Variants in ZBTB46 observed in about 807,000 individuals in gnomAD.
ZBTB46 encodes zinc finger and BTB domain containing 46, also known as zinc finger and BTB domain-containing protein 46.
A neutral mutation model predicts 44.1 loss-of-function variants in ZBTB46; 8 were observed. That is an observed-to-expected ratio of 0.18 (90% CI 0.11 to 0.33). The LOEUF (loss-of-function observed/expected upper bound fraction) is 0.33. ZBTB46 is among the 10% of genes least tolerant of loss of function. ZBTB46 has a pLI of 1.00. For synonymous variants in ZBTB46, 409 were observed against 382.3 expected, an observed-to-expected ratio of 1.07 and a Z score of -0.81; for missense variants, 651 against 847.7, an observed-to-expected ratio of 0.77 and a Z score of 2.88.
rs924576269 is a variant in ZBTB46 at position 63,811,696 on chromosome 20, G to GCT, written c.-34+19399_-34+19400dup. 5.9e-4 allele frequency among the ~76,000 whole-genome samples: 90 copies of GCT among 152,302 alleles called. 1 individual carries two copies. The highest frequency in any genetic ancestry group is 2.1e-3 in the African/African-American group (86 of 41,558). On this transcript the variant is annotated intron_variant, in intron 1 of 4. Coordinates refer to ENST00000245663, the MANE Select transcript of ZBTB46 (RefSeq NM_001369741.1). ...GCCGGCTCACCTTGCAGCCAGGTGAGCTCTACCCCGCTGGGAAGAGAGCTG... is the reference window on the plus strand; with the variant it reads ...GCCGGCTCACCTTGCAGCCAGGTGAGCTCTCTACCCCGCTGGGAAGAGAGCTG...
intron 3 of ZBTB46, among the ~76,000 whole-genome samples, chr20:63,765,425 T>C (rs1000277065): frequency 2.6e-5 from 4 of 152,254 alleles, no homozygotes; most frequent in Non-Finnish European, 1.5e-5. Flanking sequence ...GTAGGTTATG[T>C]GTGGGCGTTT....
upstream of ZBTB46, among the ~76,000 whole-genome samples, chr20:63,832,732 C>T (rs2092858451): frequency 6.6e-6 from 1 of 152,162 alleles, no homozygotes; most frequent in African/African-American, 2.4e-5. The surrounding 1 kb of genome is among the most constrained non-coding windows in gnomAD (Gnocchi z 5.0). Context: ...CGCGCGGCAC[C>T]CTCTCGGTGG....
intron 1 of ZBTB46, among the ~76,000 whole-genome samples, chr20:63,829,370 G>GT (rs748976904): frequency 1.1e-4 from 16 of 152,278 alleles, no homozygotes; most frequent in Non-Finnish European, 2.1e-4. Flanking sequence ...AATGCTGTCA[G>GT]TGAGAGGCTT....
chr20:63,794,608 AATT>A, intron 1 of ZBTB46, among the ~76,000 whole-genome samples: 2 of 152,252 alleles, frequency 1.3e-5, no homozygotes, highest in African/African-American at 4.8e-5. Context: ...TTACATTTCA[AATT>A]CAATAATCTC....
At chr20:63,763,153 C>A (rs1045315908) in intron 3 of ZBTB46, among the ~76,000 whole-genome samples, 3 of 152,206 alleles carry the variant, frequency 2.0e-5, no homozygotes, top group Non-Finnish European at 1.5e-5. Flanking sequence ...AGCCACTGTA[C>A]CCAGCCAATA....
chr20:63,811,151 G>A (rs866899662), intron 1 of ZBTB46, among the ~76,000 whole-genome samples: 31 of 151,860 alleles, frequency 2.0e-4, no homozygotes, highest in Admixed American at 5.3e-4. Flanking sequence ...GCGAGTCTGG[G>A]TCCCAGAACC....
upstream of ZBTB46, among the ~76,000 whole-genome samples, chr20:63,833,597 G>C (rs920246877): frequency 2.3e-4 from 34 of 150,772 alleles, no homozygotes; most frequent in African/African-American, 8.3e-4. Context: ...TCTCAAAAAA[G>C]AAAAAAAAAG....
chr20:63,805,833 G>A (rs1360768205), intron 1 of ZBTB46, among the ~76,000 whole-genome samples: 1 of 151,058 alleles, frequency 6.6e-6, no homozygotes, highest in Non-Finnish European at 1.5e-5. Context: ...TCGGCTCACT[G>A]AAGCCTTCGG....
chr20:63,767,980 G>C lies in ZBTB46; in HGVS notation c.1222+7698C>G. 1 of 985,440 alleles carries C rather than the reference G, an allele frequency of 1.0e-6. No individual in the cohort carries two copies. Among genetic ancestry groups the C allele is most frequent in the Non-Finnish European group, 1.2e-6 (1 of 829,940 alleles). The allele number at this position is 985,440 out of a possible 1,614,324, so 61.0% of individuals were successfully genotyped here. A position where few individuals can be genotyped will look rare whatever the true frequency, so the allele number is the denominator to read the frequency against. ...AGCTCTCCACGCCATGAGAGGTGTC[G>C]ATCTGGAACCAGAGACAGACAAGTT... is the stretch of plus-strand genomic sequence containing the variant. On this transcript the variant is annotated intron_variant, in intron 3 of 4. Transcript: ENST00000245663. This position sits in a 1 kb window ranked among gnomAD's most constrained non-coding sequence, Gnocchi z 5.0.
chr20:63,821,439 G>C (rs904643035), intron 1 of ZBTB46, among the ~76,000 whole-genome samples: 2 of 119,506 alleles, frequency 1.7e-5, no homozygotes, highest in East Asian at 2.8e-4. Flanking sequence ...AAGCAGGCAC[G>C]CTTTTTTTTT....
chr20:63,825,988 G>A (rs1196063976), intron 1 of ZBTB46, among the ~76,000 whole-genome samples: 1 of 152,208 alleles, frequency 6.6e-6, no homozygotes, highest in Non-Finnish European at 1.5e-5. Context: ...TCTCACAAAG[G>A]CAGCTGTCAA....
intron 1 of ZBTB46, among the ~76,000 whole-genome samples, chr20:63,794,445 G>A (rs1049598951): frequency 2.0e-5 from 3 of 151,900 alleles, no homozygotes; most frequent in South Asian, 2.1e-4. Flanking sequence ...TTCCCACCTC[G>A]GCCTCCCAAA....
chr20:63,779,027 G>A (rs2092447345), intron 2 of ZBTB46, among the ~76,000 whole-genome samples: 1 of 152,114 alleles, frequency 6.6e-6, no homozygotes, highest in Non-Finnish European at 1.5e-5. Context: ...CAGAGTCTGG[G>A]AGCAGAGTGG....
chr20:63,786,687 T>C (rs1185085573), intron 2 of ZBTB46, among the ~76,000 whole-genome samples: 2 of 152,100 alleles, frequency 1.3e-5, no homozygotes, highest in African/African-American at 4.8e-5. Context: ...AACTTTTGTA[T>C]ATTTAGTAGA....
At chr20:63,815,323 CAGGTGCAGGTGGGCATAGGTGCAGT>C (rs1480843723) in intron 1 of ZBTB46, among the ~76,000 whole-genome samples, 1 of 137,830 alleles carries the variant, frequency 7.3e-6, no homozygotes, top group Non-Finnish European at 1.5e-5. Context: ...CAGATGGGCA[CAGGTGCAGGTGGGCATAGGTGCAGT>C]AGGTGCAGGT....
At chr20:63,786,970 T>C (rs906127491) in intron 2 of ZBTB46, among the ~76,000 whole-genome samples, 11 of 152,042 alleles carry the variant, frequency 7.2e-5, no homozygotes, top group African/African-American at 2.7e-4. Flanking sequence ...TTACTGAACA[T>C]CCAGGGTCTG....
At chr20:63,819,653 C>G (rs1237356464) in intron 1 of ZBTB46, among the ~76,000 whole-genome samples, 1 of 152,206 alleles carries the variant, frequency 6.6e-6, no homozygotes, top group Non-Finnish European at 1.5e-5. Flanking sequence ...ACAACCACTT[C>G]TCGGCCTCCC....
At chr20:63,821,181 G>A (rs1600724145) in intron 1 of ZBTB46, among the ~76,000 whole-genome samples, 2 of 141,610 alleles carry the variant, frequency 1.4e-5, no homozygotes, top group South Asian at 2.2e-4. Flanking sequence ...CACTGCGCCC[G>A]GCCTTTTTTT....
intron 1 of ZBTB46, among the ~76,000 whole-genome samples, chr20:63,793,955 G>A (rs2092581314): frequency 6.6e-6 from 1 of 152,180 alleles, no homozygotes; most frequent in Non-Finnish European, 1.5e-5. Flanking sequence ...GGGAGGCCGA[G>A]GCGGGTGGAT....
Sources: gnomAD v4.1 joint callset for allele counts (sites outside exome capture counted in the v4.1 genomes callset) on GRCh38, gnomAD v4.1.1 for gene constraint, Gnocchi (gnomAD v3.1) non-coding constraint, MANE v1.5 for transcripts, NCBI Gene and HGNC (gene_info 2026-07-23, HGNC 2026-07-21) for gene names.